CDH18: variants seen among roughly 807,000 people sequenced by gnomAD.
The protein encoded by CDH18 is cadherin 18.
Under a neutral mutation model 67.9 loss-of-function variants are expected in CDH18, and 31 were observed. The observed-to-expected ratio is 0.46, with a 90% confidence interval of 0.34 to 0.62. CDH18 has a LOEUF of 0.62. Among genes scored for constraint, CDH18 ranks in the 20% least tolerant of loss-of-function variants. CDH18 has a pLI of 0.01. For synonymous variants in CDH18, 362 were observed against 347.2 expected, an observed-to-expected ratio of 1.04 and a Z score of -0.48; for missense variants, 890 against 975.5, an observed-to-expected ratio of 0.91 and a Z score of 1.17.
chr5:19,931,517 A>G (rs1358178227), intron 2 of CDH18, among the ~76,000 whole-genome samples: 1 of 152,074 alleles, frequency 6.6e-6, no homozygotes, highest in Middle Eastern at 3.4e-3. Context: ...TTTTTCTGCT[A>G]TAAATACAAG....
rs1580123062 is a variant in CDH18 at position 20,049,623 on chromosome 5, A to G, written c.-517-57609T>C. On this transcript the variant is annotated intron_variant, in intron 2 of 14. Coordinates refer to the CDH18 transcript ENST00000507958. ...AACAAAAATAATGCATTCCATGTTG[A>G]CCTAAAAAGAGCACATGTATATTCT... 2.0e-5 allele frequency among the ~76,000 whole-genome samples: 3 copies of G among 151,964 alleles called. No homozygotes were observed. The South Asian group carries it at 6.2e-4, about 31-fold the overall frequency.
rs182911057 is a variant in CDH18, at chr5:19,952,818, A to T, written c.-257+28242T>A. 3.6e-4 allele frequency among the ~76,000 whole-genome samples: 55 copies of T among 152,264 alleles called. 1 individual carries two copies. Among genetic ancestry groups the T allele is most frequent in the Non-Finnish European group, 2.1e-4 (14 of 68,028 alleles). On this transcript the variant is annotated intron_variant, in intron 2 of 12. Coordinates refer to ENST00000382275, the MANE Select transcript of CDH18 (RefSeq NM_004934.5). The stretch of plus-strand genomic sequence containing the variant: ...GAGGCATTTAGGGGAAATATTTTGG[A>T]GAAATGAGGATTTGTCACAATAGTA...
chr5:19,961,493 A>G (rs960824398), intron 2 of CDH18, among the ~76,000 whole-genome samples: 6 of 152,106 alleles, frequency 3.9e-5, no homozygotes, highest in Non-Finnish European at 8.8e-5. Flanking sequence ...AACTGTATAT[A>G]TGTTATTGGT....
chr5:19,881,895 A>G (rs1304125269), intron 2 of CDH18, among the ~76,000 whole-genome samples: 2 of 152,062 alleles, frequency 1.3e-5, no homozygotes, highest in African/African-American at 4.8e-5. Context: ...TCTGTATTCT[A>G]TTATAACCAT....
intron 1 of CDH18, among the ~76,000 whole-genome samples, chr5:20,505,887 C>G (rs373592927): frequency 1.3e-5 from 2 of 152,294 alleles, no homozygotes; most frequent in African/African-American, 2.4e-5. Context: ...TACACTCCCC[C>G]ACGAGAAAGA....
At chr5:19,598,977 G>T (rs961448458) in intron 6 of CDH18, among the ~76,000 whole-genome samples, 4 of 151,864 alleles carry the variant, frequency 2.6e-5, no homozygotes, top group African/African-American at 9.7e-5. Context: ...ATGAAAAATT[G>T]GAATAGACAA....
intron 8 of CDH18, among the ~76,000 whole-genome samples, chr5:19,549,074 T>A (rs1441868287): frequency 2.0e-5 from 3 of 151,990 alleles, no homozygotes; most frequent in African/African-American, 7.3e-5. Flanking sequence ...AAGGAGAAAA[T>A]TTTAAAGGGG....
intron 5 of CDH18, among the ~76,000 whole-genome samples, chr5:19,663,613 G>T (rs948467245): frequency 8.6e-5 from 13 of 151,850 alleles, no homozygotes; most frequent in African/African-American, 2.4e-4. Context: ...CATGATTCCT[G>T]GGTTCAGTAA....
At chr5:20,530,827 G>A (rs1475540093) in intron 1 of CDH18, among the ~76,000 whole-genome samples, 1 of 152,030 alleles carries the variant, frequency 6.6e-6, no homozygotes, top group Non-Finnish European at 1.5e-5. Flanking sequence ...ACAGGCATGG[G>A]CAAAGATTTT....
intron 2 of CDH18, among the ~76,000 whole-genome samples, chr5:19,902,448 G>A (rs1561531864): frequency 6.6e-6 from 1 of 152,160 alleles, no homozygotes. Context: ...TGGCCTTACA[G>A]AGGAGCTCAA....
intron 1 of CDH18, among the ~76,000 whole-genome samples, chr5:20,280,647 G>C (rs1398726688): frequency 1.3e-5 from 2 of 152,162 alleles, no homozygotes; most frequent in Non-Finnish European, 2.9e-5. Context: ...TTGCTATTGT[G>C]AATAGTGCCA....
In CDH18 at chr5:19,859,370, G is replaced by A. The variant is rs571282276; in HGVS notation, c.-256-20128C>T. ...TATAGCATCAGATGACAAATACCAG[G>A]CCCTGAAAGGAATCAAAGTATTTCA... On this transcript the variant is annotated intron_variant, in intron 2 of 12. Coordinates refer to ENST00000382275, the MANE Select transcript of CDH18 (RefSeq NM_004934.5). Among the ~76,000 whole-genome samples the A allele has an allele frequency of 7.2e-5, 11 of 152,092 alleles. No individual in the cohort carries two copies. The South Asian group carries it at 2.3e-3, about 32-fold the overall frequency.
intron 2 of CDH18, among the ~76,000 whole-genome samples, chr5:20,240,434 A>G (rs1242951717): frequency 6.6e-6 from 1 of 152,158 alleles, no homozygotes; most frequent in Non-Finnish European, 1.5e-5. Flanking sequence ...AATTTGAAGA[A>G]TGCATCACAC....
chr5:20,300,075 T>C (rs1202224084), intron 1 of CDH18, among the ~76,000 whole-genome samples: 1 of 152,090 alleles, frequency 6.6e-6, no homozygotes, highest in African/African-American at 2.4e-5. Flanking sequence ...ATATTTGCAG[T>C]GTGACACTTA....
intron 5 of CDH18, among the ~76,000 whole-genome samples, chr5:19,676,208 C>G (rs1461555819): frequency 2.0e-5 from 3 of 151,962 alleles, no homozygotes; most frequent in Non-Finnish European, 2.9e-5. Context: ...ATAACCCTAT[C>G]AAATCTACGA....
chr5:20,535,786 G>A (rs1756681564), intron 1 of CDH18, among the ~76,000 whole-genome samples: 1 of 152,104 alleles, frequency 6.6e-6, no homozygotes, highest in South Asian at 2.1e-4. Flanking sequence ...GAATCCAGAT[G>A]AGAGTTCACA....
At chr5:20,277,757 A>C (rs1028405132) in intron 1 of CDH18, among the ~76,000 whole-genome samples, 7 of 152,120 alleles carry the variant, frequency 4.6e-5, no homozygotes, top group African/African-American at 1.4e-4. Flanking sequence ...AAACTCAATG[A>C]AATTCAAGAT....
intron 1 of CDH18, among the ~76,000 whole-genome samples, chr5:20,463,760 TGAATTGTGAG>T (rs1282547653): frequency 1.3e-5 from 2 of 152,146 alleles, no homozygotes; most frequent in Non-Finnish European, 1.5e-5. Context: ...AGAATCAACT[TGAATTGTGAG>T]GAATGCCGTC....
intron 2 of CDH18, among the ~76,000 whole-genome samples, chr5:19,979,871 T>G (rs1798864789): frequency 6.6e-6 from 1 of 152,134 alleles, no homozygotes; most frequent in African/African-American, 2.4e-5. Context: ...GGGGAAAAGT[T>G]GAAAGCATTC....
Sources: allele counts gnomAD v4.1 joint callset (sites outside exome capture counted in the v4.1 genomes callset), GRCh38; gene constraint gnomAD v4.1.1; transcripts MANE v1.5; gene names NCBI Gene and HGNC (gene_info 2026-07-23, HGNC 2026-07-21).